Variants in TSHZ2 observed in about 807,000 individuals in gnomAD.
The protein encoded by TSHZ2 is teashirt zinc finger homeobox 2.
Under a neutral mutation model 74.4 loss-of-function variants are expected in TSHZ2, and 21 were observed. The observed-to-expected ratio is 0.28, with a 90% confidence interval of 0.20 to 0.41. The LOEUF (loss-of-function observed/expected upper bound fraction) is 0.41, where lower values mean the gene tolerates loss of function less well. TSHZ2 is among the 10% of genes least tolerant of loss of function. The pLI, the probability that TSHZ2 is intolerant of heterozygous loss-of-function variation, is 1.00. For missense variants in TSHZ2, 1,244 were observed against 1,293.5 expected, an observed-to-expected ratio of 0.96 and a Z score of 0.59; for synonymous variants, 540 against 515.3, an observed-to-expected ratio of 1.05 and a Z score of -0.65.
chr20:53,368,351 C>A (rs1408733840), intron 2 of TSHZ2, among the ~76,000 whole-genome samples: 1 of 152,122 alleles, frequency 6.6e-6, no homozygotes, highest in Non-Finnish European at 1.5e-5. Flanking sequence ...CCCCTGTCAC[C>A]CAGGCTGGTG....
chr20:53,207,172 C>T lies in TSHZ2; in HGVS notation c.41-46327C>T, dbSNP rs184217815. On this transcript the variant is annotated intron_variant, in intron 1 of 2. Transcript: ENST00000371497. ...ACAGTTGTTCCTGTTTCAGCCTGCC[C>T]TGTTTGAAATTCAAGCATGCCACAA... Among the ~76,000 whole-genome samples, 806 of 152,246 alleles carry T rather than the reference C, an allele frequency of 5.3e-3. 4 individuals carry two copies. Among genetic ancestry groups the T allele is most frequent in the Non-Finnish European group, 9.4e-3 (637 of 68,032 alleles).
intron 1 of TSHZ2, among the ~76,000 whole-genome samples, chr20:53,188,803 G>T (rs896859273): frequency 1.3e-5 from 2 of 151,738 alleles, no homozygotes; most frequent in Admixed American, 6.6e-5. Flanking sequence ...ATATATATAC[G>T]GTTCTTACGT....
intron 2 of TSHZ2, among the ~76,000 whole-genome samples, chr20:53,354,985 A>G (rs1402850039): frequency 6.6e-6 from 1 of 152,142 alleles, no homozygotes; most frequent in African/African-American, 2.4e-5. Context: ...GGGGGTTGGA[A>G]GTATTATTTA....
chr20:53,149,612 A>T (rs1987628081), intron 1 of TSHZ2, among the ~76,000 whole-genome samples: 1 of 152,198 alleles, frequency 6.6e-6, no homozygotes, highest in South Asian at 2.1e-4. Context: ...GCCAATGAGG[A>T]GACCGTAACA....
chr20:53,074,776 T>C lies in TSHZ2; in HGVS notation c.40+101443T>C, dbSNP rs1985315007. The stretch of plus-strand genomic sequence containing the variant: ...GTGCCAGGGAAGGTGCTGAAGGAAC[T>C]AGCATGTGTATTACTCGTTTTTCAA... On this transcript the variant is annotated intron_variant, in intron 1 of 2. Coordinates refer to ENST00000371497, the MANE Select transcript of TSHZ2 (RefSeq NM_173485.6). The surrounding 1 kb of genome is among the most constrained non-coding windows in gnomAD (Gnocchi z 5.9). Among the ~76,000 whole-genome samples, 1 of 152,224 alleles carries C rather than the reference T, an allele frequency of 6.6e-6. No homozygotes were observed.
intron 2 of TSHZ2, among the ~76,000 whole-genome samples, chr20:53,345,888 C>T (rs910352622): frequency 3.9e-5 from 6 of 152,102 alleles, no homozygotes; most frequent in Admixed American, 2.6e-4. Context: ...GACCACGAGG[C>T]ACCGGCAGCA....
intron 1 of TSHZ2, among the ~76,000 whole-genome samples, chr20:53,247,419 C>G (rs755864789): frequency 6.6e-6 from 1 of 152,184 alleles, no homozygotes; most frequent in South Asian, 2.1e-4. Flanking sequence ...CTCCACATGG[C>G]CCTCCAAGAG....
intron 2 of TSHZ2, among the ~76,000 whole-genome samples, chr20:53,478,087 T>C: frequency 6.9e-6 from 1 of 144,126 alleles, no homozygotes; most frequent in Non-Finnish European, 1.5e-5. Context: ...GTTCAACCAT[T>C]GTGGAAGTCA....
Position 53,330,218 on chromosome 20 carries a change from T to C in TSHZ2, c.*8+73647T>C, listed in dbSNP as rs528914348. 5.3e-5 allele frequency among the ~76,000 whole-genome samples: 8 copies of C among 152,302 alleles called. No homozygotes were observed. The South Asian group carries it at 1.7e-3, about 32-fold the overall frequency. On this transcript the variant is annotated intron_variant, in intron 2 of 2. Coordinates refer to ENST00000371497, the MANE Select transcript of TSHZ2 (RefSeq NM_173485.6). ...TTAACCTTTTGGCTTGAAATAATTA[T>C]AGATTCATAAGAAGTGCAAGGAAAT...
intron 2 of TSHZ2, among the ~76,000 whole-genome samples, chr20:53,295,952 C>T (rs981451699): frequency 6.7e-5 from 10 of 150,038 alleles, no homozygotes; most frequent in African/African-American, 2.0e-4. Context: ...AAAAGTTTCT[C>T]TCATATATCT....
chr20:53,114,636 G>A (rs1300597983), intron 1 of TSHZ2, among the ~76,000 whole-genome samples: 1 of 151,640 alleles, frequency 6.6e-6, no homozygotes, highest in African/African-American at 2.4e-5. Flanking sequence ...TGTTGGTGCT[G>A]TGACCTCTTT....
intron 1 of TSHZ2, among the ~76,000 whole-genome samples, chr20:53,144,890 G>T (rs372997005): frequency 5.3e-5 from 8 of 151,754 alleles, no homozygotes; most frequent in African/African-American, 1.9e-4. Context: ...TATATATGTA[G>T]CCTAAGTATT....
chr20:53,203,255 C>T (rs1989054264), intron 1 of TSHZ2, among the ~76,000 whole-genome samples: 1 of 147,306 alleles, frequency 6.8e-6, no homozygotes, highest in Non-Finnish European at 1.5e-5. Flanking sequence ...AGTGCAGTGG[C>T]ACGATCTCGG....
chr20:53,252,915 C>A (rs973873453), intron 1 of TSHZ2, among the ~76,000 whole-genome samples: 2 of 152,192 alleles, frequency 1.3e-5, no homozygotes, highest in African/African-American at 4.8e-5. Context: ...CATCTCTCTT[C>A]CTGCTGTGTG....
At chr20:53,058,079 C>A (rs866750656) in intron 1 of TSHZ2, among the ~76,000 whole-genome samples, 13 of 152,120 alleles carry the variant, frequency 8.5e-5, no homozygotes, top group Non-Finnish European at 1.3e-4. Context: ...GATCGCACAA[C>A]GTAGATCCCT....
intron 1 of TSHZ2, among the ~76,000 whole-genome samples, chr20:53,037,286 C>A (rs1046747577): frequency 4.6e-5 from 7 of 152,158 alleles, no homozygotes; most frequent in Non-Finnish European, 1.0e-4. Context: ...TTATTCTGCA[C>A]ACAATAAAAC....
intron 2 of TSHZ2, among the ~76,000 whole-genome samples, chr20:53,469,257 A>G (rs112324976): frequency 0.011 from 1,699 of 151,576 alleles, 38 homozygotes; most frequent in African/African-American, 0.039. Context: ...AAAAATGACA[A>G]TCATGGCCAG....
intron 2 of TSHZ2, among the ~76,000 whole-genome samples, chr20:53,453,509 AGAG>A (rs1984900715): frequency 6.6e-6 from 1 of 152,134 alleles, no homozygotes; most frequent in African/African-American, 2.4e-5. Context: ...CTCTAATAAT[AGAG>A]GAGGTTTAAT....
At chr20:53,105,567 A>C (rs1986336999) in intron 1 of TSHZ2, among the ~76,000 whole-genome samples, 1 of 151,784 alleles carries the variant, frequency 6.6e-6, no homozygotes, top group African/African-American at 2.4e-5. Flanking sequence ...ATCTCCTTTA[A>C]CCTCCACTTA....
Sources: gnomAD v4.1 joint callset for allele counts (sites outside exome capture counted in the v4.1 genomes callset) on GRCh38, gnomAD v4.1.1 for gene constraint, Gnocchi (gnomAD v3.1) non-coding constraint, MANE v1.5 for transcripts, NCBI Gene and HGNC (gene_info 2026-07-23, HGNC 2026-07-21) for gene names.